Variants in PPM1E observed in about 807,000 individuals in gnomAD.
The protein encoded by PPM1E is protein phosphatase 1E.
In PPM1E, 20 loss-of-function variants were observed where a neutral mutation model predicts 65.9. The ratio of observed to expected loss-of-function variants is 0.30; its 90% CI spans 0.21 to 0.44. PPM1E has a LOEUF of 0.44. PPM1E is among the 20% of genes least tolerant of loss of function. PPM1E has a pLI of 1.00. For missense variants in PPM1E, 713 were observed against 953.1 expected (o/e 0.75, Z 3.32); for synonymous variants, 352 against 374.9 (o/e 0.94, Z 0.70).
intron 1 of PPM1E, among the ~76,000 whole-genome samples, chr17:58,906,897 T>C (rs1234733853): frequency 3.3e-5 from 5 of 152,198 alleles, no homozygotes; most frequent in Non-Finnish European, 5.9e-5. Context: ...TTCAAAATAT[T>C]TTAAATTTCT....
At chr17:58,807,603 A>G (rs531447187) in intron 1 of PPM1E, among the ~76,000 whole-genome samples, 2 of 152,204 alleles carry the variant, frequency 1.3e-5, no homozygotes, top group Admixed American at 6.5e-5. Flanking sequence ...ATCAATTTTT[A>G]AAAAGGCAAT....
At chr17:58,972,959 T>C in intron 6 of PPM1E, 34 bp downstream of exon 6, 1 of 1,498,772 alleles carries the variant, frequency 6.7e-7, no homozygotes, top group Non-Finnish European at 9.3e-7. Flanking sequence ...CTCCAAACTG[T>C]CCTCTTCTAG....
intron 1 of PPM1E, among the ~76,000 whole-genome samples, chr17:58,877,448 T>A (rs1433397755): frequency 6.6e-6 from 1 of 152,204 alleles, no homozygotes; most frequent in Non-Finnish European, 1.5e-5. Flanking sequence ...ATTTATAGAT[T>A]GCTAGGAGTT....
At chr17:58,919,576 G>A (rs889982112) in intron 1 of PPM1E, among the ~76,000 whole-genome samples, 4 of 151,918 alleles carry the variant, frequency 2.6e-5, no homozygotes, top group Non-Finnish European at 5.9e-5. Flanking sequence ...ACCTGAGATC[G>A]GGAGTTTGAG....
At chr17:58,759,007 T>G (rs2049796919) in intron 1 of PPM1E, among the ~76,000 whole-genome samples, 1 of 151,762 alleles carries the variant, frequency 6.6e-6, no homozygotes, top group Non-Finnish European at 1.5e-5. Flanking sequence ...GAGGCGGAGG[T>G]TGCAGTGAGC....
chr17:58,944,388 G>C (rs2052116301), intron 1 of PPM1E, among the ~76,000 whole-genome samples: 1 of 151,950 alleles, frequency 6.6e-6, no homozygotes, highest in Non-Finnish European at 1.5e-5. Flanking sequence ...ACAATTCAAG[G>C]ATTTTAATAC....
At chr17:58,829,317 C>T (rs1598597479) in intron 1 of PPM1E, among the ~76,000 whole-genome samples, 1 of 152,326 alleles carries the variant, frequency 6.6e-6, no homozygotes, top group East Asian at 1.9e-4. Context: ...GCTGAGATTA[C>T]AGGCGTGAGC....
chr17:58,964,647 T>G (rs563857175), intron 2 of PPM1E, among the ~76,000 whole-genome samples: 1 of 152,332 alleles, frequency 6.6e-6, no homozygotes, highest in Admixed American at 6.5e-5. Context: ...AGAACTTAAG[T>G]AATTTTTCCT....
At chr17:58,865,615 G>T (rs1028614324) in intron 1 of PPM1E, among the ~76,000 whole-genome samples, 5 of 152,132 alleles carry the variant, frequency 3.3e-5, no homozygotes, top group Admixed American at 3.3e-4. Flanking sequence ...CAGGAGGATT[G>T]CTTAAGCCTG....
At chr17:58,838,558 C>T (rs1045400951) in intron 1 of PPM1E, among the ~76,000 whole-genome samples, 5 of 152,170 alleles carry the variant, frequency 3.3e-5, no homozygotes, top group African/African-American at 9.7e-5. Flanking sequence ...CTCATCTTTG[C>T]TGGTGGAAAT....
At chr17:58,850,589 A>C (rs941665434) in intron 1 of PPM1E, among the ~76,000 whole-genome samples, 3 of 152,182 alleles carry the variant, frequency 2.0e-5, no homozygotes, top group African/African-American at 7.2e-5. Context: ...TTCTGTAAGA[A>C]TGTTGAATAT....
intron 1 of PPM1E, among the ~76,000 whole-genome samples, chr17:58,938,425 G>A (rs867819329): frequency 2.6e-5 from 4 of 152,026 alleles, no homozygotes; most frequent in East Asian, 1.9e-4. Context: ...GGTCTCTCTC[G>A]TGTGTGTGTA....
chr17:58,870,539 C>T (rs563128604), intron 1 of PPM1E, among the ~76,000 whole-genome samples: 11 of 152,184 alleles, frequency 7.2e-5, no homozygotes, highest in Non-Finnish European at 1.2e-4. Flanking sequence ...CCATGTGTAC[C>T]GATGCTTAGC....
chr17:58,983,102 GAAA>G lies in PPM1E; in HGVS notation c.*2076_*2078del, dbSNP rs1201101136. ...ACACATGCTAGGCTTTCTCAGTGGG[GAAA>G]AAAATGGCTGGATAGAACTGGGACA... On this transcript the variant is annotated 3_prime_UTR_variant, in exon 7 of 7. Transcript: ENST00000308249. The G allele has an allele frequency of 1.1e-5, 6 of 560,804 alleles. No homozygotes were observed. Among genetic ancestry groups the G allele is most frequent in the Non-Finnish European group, 1.9e-5 (6 of 322,722 alleles). 34.7% of individuals were successfully genotyped at this position (560,804 alleles called of 1,614,324 possible).
At chr17:58,891,832 CTTTTTTTTTTTT>C (rs5821250) in intron 1 of PPM1E, among the ~76,000 whole-genome samples, 12 of 85,460 alleles carry the variant, frequency 1.4e-4, no homozygotes, top group Non-Finnish European at 2.6e-4. Flanking sequence ...TTTTCTTTTT[CTTTTTTTTTTTT>C]TTTTTTTTTG....
intron 1 of PPM1E, among the ~76,000 whole-genome samples, chr17:58,896,327 G>C (rs1156703964): frequency 6.6e-6 from 1 of 152,082 alleles, no homozygotes; most frequent in Non-Finnish European, 1.5e-5. Context: ...GCTCATGCTT[G>C]TAATCCCAAC....
chr17:58,836,881 A>G (rs2050663644), intron 1 of PPM1E, among the ~76,000 whole-genome samples: 2 of 149,250 alleles, frequency 1.3e-5, no homozygotes, highest in Admixed American at 1.3e-4. Context: ...TTAGCCGGGC[A>G]TGGTGGCGCG....
chr17:58,919,955 G>T (rs947809858), intron 1 of PPM1E, among the ~76,000 whole-genome samples: 5 of 152,182 alleles, frequency 3.3e-5, no homozygotes, highest in Admixed American at 6.5e-5. Flanking sequence ...GGGAGGGCAG[G>T]GTAGAAGCAG....
intron 1 of PPM1E, among the ~76,000 whole-genome samples, chr17:58,927,875 A>T (rs1375711842): frequency 6.6e-6 from 1 of 151,996 alleles, no homozygotes; most frequent in Non-Finnish European, 1.5e-5. Flanking sequence ...CCTGGCCAAG[A>T]TGGTGAAACC....
Sources: allele counts gnomAD v4.1 joint callset (sites outside exome capture counted in the v4.1 genomes callset), GRCh38; gene constraint gnomAD v4.1.1; transcripts MANE v1.5; gene names NCBI Gene and HGNC (gene_info 2026-07-23, HGNC 2026-07-21).